Variants in IGF1R observed in about 807,000 individuals in gnomAD.
IGF1R encodes the protein insulin-like growth factor 1 receptor.
IGF1R carries 44 observed loss-of-function variants against 144.6 expected under a neutral mutation model. The ratio of observed to expected loss-of-function variants is 0.30; its 90% CI spans 0.24 to 0.39. The LOEUF (loss-of-function observed/expected upper bound fraction) is 0.39. IGF1R is among the 10% of genes least tolerant of loss of function. IGF1R has a pLI of 1.00. For synonymous variants in IGF1R, 795 were observed against 722.8 expected (o/e 1.10, Z -1.60); for missense variants, 1,355 against 1,833.7 (o/e 0.74, Z 4.77).
chr15:98,941,454 T>G (rs970622253), intron 18 of IGF1R, among the ~76,000 whole-genome samples: 1 of 152,244 alleles, frequency 6.6e-6, no homozygotes, highest in Non-Finnish European at 1.5e-5. Context: ...ATTTTTTTTG[T>G]AATCATGGTT....
intron 2 of IGF1R, among the ~76,000 whole-genome samples, chr15:98,738,215 G>A (rs984331231): frequency 2.0e-5 from 3 of 152,198 alleles, no homozygotes; most frequent in African/African-American, 7.2e-5. Flanking sequence ...CCGTTGTAAG[G>A]CCAGGAGATA....
intron 2 of IGF1R, among the ~76,000 whole-genome samples, chr15:98,830,603 A>ATTTTTTTTTTTTTTTTTTTTTT (rs1555450173): frequency 2.2e-5 from 3 of 133,722 alleles, no homozygotes; most frequent in African/African-American, 9.9e-5. Flanking sequence ...TCTGATCATC[A>ATTTTTTTTTTTTTTTTTTTTTT]TCTTTTTTTT....
At chr15:98,915,469 C>T (rs948268974) in intron 8 of IGF1R, among the ~76,000 whole-genome samples, 1 of 151,438 alleles carries the variant, frequency 6.6e-6, no homozygotes, top group Non-Finnish European at 1.5e-5. Context: ...CACACTCCTT[C>T]ACACACACAG....
intron 2 of IGF1R, among the ~76,000 whole-genome samples, chr15:98,866,683 A>T (rs1270131672): frequency 1.3e-5 from 2 of 152,218 alleles, no homozygotes; most frequent in Non-Finnish European, 2.9e-5. Context: ...TTCAGGAGCC[A>T]TGAAATTTTC....
At chr15:98,748,818 G>A (rs1474875537) in intron 2 of IGF1R, among the ~76,000 whole-genome samples, 1 of 152,208 alleles carries the variant, frequency 6.6e-6, no homozygotes, top group Non-Finnish European at 1.5e-5. Flanking sequence ...TTATTCTTGA[G>A]CCATTCTTGC....
At chr15:98,748,588 A>G (rs1447918560) in intron 2 of IGF1R, among the ~76,000 whole-genome samples, 1 of 152,264 alleles carries the variant, frequency 6.6e-6, no homozygotes, top group Non-Finnish European at 1.5e-5. Flanking sequence ...CTTGCACTCC[A>G]GAATTGGAAA....
At chr15:98,763,277 T>G (rs998340832) in intron 2 of IGF1R, among the ~76,000 whole-genome samples, 2 of 152,194 alleles carry the variant, frequency 1.3e-5, no homozygotes, top group South Asian at 2.1e-4. Flanking sequence ...AATGTTTTGT[T>G]CCAGTCTGGC....
At chr15:98,927,679 T>C (rs2015774278) in intron 13 of IGF1R, among the ~76,000 whole-genome samples, 1 of 152,240 alleles carries the variant, frequency 6.6e-6, no homozygotes, top group Non-Finnish European at 1.5e-5. Context: ...TGCAAAATGC[T>C]GGAGCCTGCA....
chr15:98,700,607 G>A (rs1438619205), intron 1 of IGF1R, among the ~76,000 whole-genome samples: 2 of 152,166 alleles, frequency 1.3e-5, no homozygotes, highest in East Asian at 3.9e-4. Context: ...TACAAGCAAA[G>A]TGAAGTTGAC....
chr15:98,888,536 A>T (rs1366143272), intron 2 of IGF1R, among the ~76,000 whole-genome samples: 1 of 152,082 alleles, frequency 6.6e-6, no homozygotes, highest in Non-Finnish European at 1.5e-5. Context: ...ACCTTGGTAG[A>T]CAGCATATAT....
intron 2 of IGF1R, among the ~76,000 whole-genome samples, chr15:98,787,823 T>C (rs956571765): frequency 5.3e-5 from 8 of 152,202 alleles, no homozygotes; most frequent in African/African-American, 1.9e-4. Flanking sequence ...GGTAGGGACA[T>C]GTGTCTGCTT....
chr15:98,816,122 C>T (rs923465256), intron 2 of IGF1R, among the ~76,000 whole-genome samples: 7 of 152,168 alleles, frequency 4.6e-5, no homozygotes, highest in Non-Finnish European at 8.8e-5. Flanking sequence ...CCTACTTCAC[C>T]TCTTCTCTCG....
chr15:98,676,262 C>T (rs1305575578), intron 1 of IGF1R, among the ~76,000 whole-genome samples: 3 of 151,614 alleles, frequency 2.0e-5, no homozygotes, highest in African/African-American at 4.9e-5. Flanking sequence ...CTCAACCTCT[C>T]GAGTAGCTGG....
At chr15:98,679,309 C>A (rs141984520) in intron 1 of IGF1R, among the ~76,000 whole-genome samples, 1 of 152,274 alleles carries the variant, frequency 6.6e-6, no homozygotes, top group African/African-American at 2.4e-5. Context: ...GTGTTATGCC[C>A]TCTGTATCTG....
At chr15:98,942,381 T>C (rs925146532) in intron 18 of IGF1R, among the ~76,000 whole-genome samples, 2 of 152,194 alleles carry the variant, frequency 1.3e-5, no homozygotes, top group Non-Finnish European at 2.9e-5. Context: ...TCACCCAAGC[T>C]GGAGTGCAGT....
rs186895929 is a variant in IGF1R at position 98,924,701 on chromosome 15, G to A, written c.2782+17G>A. On this transcript the variant is annotated intron_variant, in intron 13 of 20. Coordinates refer to ENST00000650285, the MANE Select transcript of IGF1R (RefSeq NM_000875.5). ...AGGCCAAAAGTAAGGCTTGTGGAGG[G>A]AGAAGAAACGTGGTAAAACTGAAAG... The A allele has an allele frequency of 2.8e-3, 4,513 of 1,606,590 alleles. 14 individuals carry two copies. Among genetic ancestry groups the A allele is most frequent in the Middle Eastern group, 3.8e-3 (23 of 5,994 alleles).
intron 2 of IGF1R, among the ~76,000 whole-genome samples, chr15:98,719,719 A>G (rs1032917419): frequency 2.0e-5 from 3 of 152,122 alleles, no homozygotes; most frequent in African/African-American, 7.2e-5. Flanking sequence ...GATGCAGGGC[A>G]AGTGCTTAGG....
At chr15:98,938,972 C>T (rs1425717321) in intron 17 of IGF1R, among the ~76,000 whole-genome samples, 2 of 152,156 alleles carry the variant, frequency 1.3e-5, no homozygotes, top group Non-Finnish European at 2.9e-5. Flanking sequence ...TGGTGTTTCC[C>T]TCACCAGCTC....
rs998298006 is a variant in IGF1R at position 98,956,962 on chromosome 15, T to C, written c.3723-99T>C. The C allele has an allele frequency of 7.5e-6, 10 of 1,338,908 alleles. No homozygotes were observed. In the African/African-American group the frequency reaches 1.1e-4, roughly 15 times the overall value. 82.9% of individuals were successfully genotyped at this position (1,338,908 alleles called of 1,614,324 possible). On this transcript the variant is annotated intron_variant, in intron 20 of 20. Transcript: ENST00000650285. Reference sequence around the variant, plus strand: ...AGGGCTGTGTTCAGTGCTCCCGCCGTACGCTTGTATGCGGGAAACCACTGC... The same window carrying C: ...AGGGCTGTGTTCAGTGCTCCCGCCGCACGCTTGTATGCGGGAAACCACTGC...
Sources: allele counts gnomAD v4.1 joint callset (sites outside exome capture counted in the v4.1 genomes callset), GRCh38; gene constraint gnomAD v4.1.1; transcripts MANE v1.5; gene names NCBI Gene and HGNC (gene_info 2026-07-23, HGNC 2026-07-21).